Variants in LARS2 observed in about 807,000 individuals in gnomAD.
LARS2 encodes leucyl-tRNA synthetase 2, mitochondrial.
Under a neutral mutation model 116.6 loss-of-function variants are expected in LARS2, and 81 were observed. The observed-to-expected ratio is 0.69, with a 90% confidence interval of 0.58 to 0.84. The LOEUF (loss-of-function observed/expected upper bound fraction) is 0.84. Ranked by LOEUF, LARS2 falls within the 40% of genes least tolerant of loss-of-function variation. The probability of loss-of-function intolerance (pLI) is 0.00; values close to 1 mark genes in which losing one functional copy is unlikely to be tolerated. For missense variants in LARS2, 968 were observed against 1,114.5 expected (o/e 0.87, Z 1.87); for synonymous variants, 396 against 407.2 (o/e 0.97, Z 0.33).
intron 7 of LARS2, among the ~76,000 whole-genome samples, chr3:45,449,699 A>G (rs1350386536): frequency 6.6e-6 from 1 of 152,196 alleles, no homozygotes; most frequent in Non-Finnish European, 1.5e-5. Flanking sequence ...AAAACAGAAA[A>G]CATTGCTATT....
At chr3:45,427,578 C>T (rs1698615220) in intron 6 of LARS2, among the ~76,000 whole-genome samples, 1 of 152,180 alleles carries the variant, frequency 6.6e-6, no homozygotes, top group African/African-American at 2.4e-5. Flanking sequence ...ACAAGACTTA[C>T]TTTTAATAAC....
chr3:45,431,319 A>G (rs959951235), intron 6 of LARS2, among the ~76,000 whole-genome samples: 2 of 152,318 alleles, frequency 1.3e-5, no homozygotes, highest in Middle Eastern at 3.4e-3. Flanking sequence ...TTGTACCTCT[A>G]CTTTTTGTTT....
chr3:45,531,282 T>C (rs1305910471), intron 20 of LARS2, among the ~76,000 whole-genome samples: 2 of 152,196 alleles, frequency 1.3e-5, no homozygotes, highest in Non-Finnish European at 2.9e-5. Context: ...ATCTAATAGA[T>C]TAATCCAAGT....
At chr3:45,461,891 A>C (rs1699332208) in intron 8 of LARS2, among the ~76,000 whole-genome samples, 1 of 152,214 alleles carries the variant, frequency 6.6e-6, no homozygotes, top group Non-Finnish European at 1.5e-5. Context: ...GAGATATTTG[A>C]GTAGAGATAT....
At chr3:45,459,556 C>T (rs1288645895) in intron 8 of LARS2, among the ~76,000 whole-genome samples, 3 of 152,250 alleles carry the variant, frequency 2.0e-5, no homozygotes, top group South Asian at 2.1e-4. Context: ...TAGCTCTTTC[C>T]GTGTTCAGAG....
intron 6 of LARS2, among the ~76,000 whole-genome samples, chr3:45,430,255 A>T (rs1434115752): frequency 7.1e-6 from 1 of 139,902 alleles, no homozygotes; most frequent in Non-Finnish European, 1.5e-5. Flanking sequence ...TACAGGCGTG[A>T]GCCACCGCAC....
chr3:45,399,665 G>A (rs1467261717), intron 3 of LARS2, among the ~76,000 whole-genome samples: 1 of 150,812 alleles, frequency 6.6e-6, no homozygotes, highest in African/African-American at 2.4e-5. Context: ...ATAGGTTTTT[G>A]GGGTACAGGT....
At chr3:45,527,957 A>T (rs1304448409) in intron 20 of LARS2, among the ~76,000 whole-genome samples, 2 of 152,222 alleles carry the variant, frequency 1.3e-5, no homozygotes, top group Non-Finnish European at 2.9e-5. Context: ...CAGTTCCCAG[A>T]TGATAAGGAC....
intron 16 of LARS2, among the ~76,000 whole-genome samples, chr3:45,513,716 A>C (rs1374676753): frequency 6.6e-6 from 1 of 151,780 alleles, no homozygotes; most frequent in Non-Finnish European, 1.5e-5. Context: ...TTCCCAGTAA[A>C]ACACCTCCCC....
chr3:45,436,656 C>T (rs1010871717), intron 6 of LARS2, among the ~76,000 whole-genome samples: 12 of 151,638 alleles, frequency 7.9e-5, no homozygotes, highest in Non-Finnish European at 1.0e-4. Context: ...TAGCCGGGCG[C>T]GGTGGCGGGC....
At chr3:45,395,891 A>C (rs1451937037) in intron 3 of LARS2, among the ~76,000 whole-genome samples, 1 of 152,240 alleles carries the variant, frequency 6.6e-6, no homozygotes, top group Admixed American at 6.5e-5. Flanking sequence ...GTAATACATA[A>C]TTTTACAATG....
At chr3:45,479,434 G>A (rs1156933973) in intron 10 of LARS2, among the ~76,000 whole-genome samples, 23 of 151,792 alleles carry the variant, frequency 1.5e-4, no homozygotes. Flanking sequence ...GGATCAGGAT[G>A]GAGGGAGGGA....
intron 20 of LARS2, among the ~76,000 whole-genome samples, chr3:45,539,510 A>G (rs886290964): frequency 6.6e-6 from 1 of 152,142 alleles, no homozygotes; most frequent in Non-Finnish European, 1.5e-5. Context: ...GCACACCTAT[A>G]GTCTCAGCTA....
At chr3:45,400,453 T>C in intron 4 of LARS2, 80 bp downstream of exon 4, 1 of 1,388,840 alleles carries the variant, frequency 7.2e-7, no homozygotes, top group Non-Finnish European at 9.6e-7. Context: ...TCAAGACAAA[T>C]GAAGAAAACC....
At chr3:45,459,141 C>T (rs951088116) in intron 8 of LARS2, among the ~76,000 whole-genome samples, 4 of 151,996 alleles carry the variant, frequency 2.6e-5, no homozygotes, top group African/African-American at 9.7e-5. Flanking sequence ...CAACTTACTG[C>T]CACAGAGGTC....
In LARS2 at chr3:45,461,706, A is replaced by G. The variant is rs556262328; in HGVS notation, c.750+2820A>G. 3.3e-5 allele frequency among the ~76,000 whole-genome samples: 5 copies of G among 152,340 alleles called. No individual in the cohort carries two copies. In the South Asian group the frequency reaches 8.3e-4, roughly 25 times the overall value. On this transcript the variant is annotated intron_variant, in intron 8 of 21. Coordinates refer to ENST00000645846, the MANE Select transcript of LARS2 (RefSeq NM_015340.4). ...AAATTTAGATGTGGGTGAGAATAGT[A>G]GAGAGAAGTGAGTAGGTTAGAAAAA...
chr3:45,400,506 A>G, intron 4 of LARS2, 133 bp downstream of exon 4: 1 of 818,622 alleles, frequency 1.2e-6, no homozygotes, highest in Non-Finnish European at 1.8e-6. Flanking sequence ...TGGACATGAA[A>G]AGCTCAGTGT....
intron 4 of LARS2, among the ~76,000 whole-genome samples, chr3:45,405,167 T>G (rs1480464127): frequency 6.6e-6 from 1 of 152,028 alleles, no homozygotes; most frequent in Non-Finnish European, 1.5e-5. Context: ...TTGATCAGGC[T>G]GGTCTTGAAC....
At chr3:45,408,323 G>A (rs1045611061) in intron 4 of LARS2, among the ~76,000 whole-genome samples, 6 of 152,250 alleles carry the variant, frequency 3.9e-5, no homozygotes, top group Non-Finnish European at 7.3e-5. Context: ...CCTGGCCAGG[G>A]CTCTGACCCC....
Sources: gnomAD v4.1 joint callset for allele counts (sites outside exome capture counted in the v4.1 genomes callset) on GRCh38, gnomAD v4.1.1 for gene constraint, MANE v1.5 for transcripts, NCBI Gene and HGNC (gene_info 2026-07-23, HGNC 2026-07-21) for gene names.